The following FGF12 variants were observed in gnomAD, a reference collection of about 807,000 sequenced individuals.
FGF12 encodes fibroblast growth factor 12.
FGF12 carries 14 observed loss-of-function variants against 23.6 expected under a neutral mutation model. The ratio of observed to expected loss-of-function variants is 0.59; its 90% CI spans 0.39 to 0.93. FGF12 has a LOEUF of 0.93. Among genes scored for constraint, FGF12 ranks in the 40% least tolerant of loss-of-function variants. The pLI is 0.00. For missense variants in FGF12, 175 were observed against 217.8 expected (o/e 0.80, Z 1.24); for synonymous variants, 62 against 77.3 (o/e 0.80, Z 1.04).
chr3:192,643,281 A>T (rs1392573332), intron 2 of FGF12, among the ~76,000 whole-genome samples: 2 of 125,296 alleles, frequency 1.6e-5, no homozygotes, highest in African/African-American at 5.8e-5. Flanking sequence ...TGATCCTGAC[A>T]TGGAGAATTA....
At chr3:192,655,727 T>C (rs1716385827) in intron 2 of FGF12, among the ~76,000 whole-genome samples, 2 of 152,132 alleles carry the variant, frequency 1.3e-5, no homozygotes, top group African/African-American at 2.4e-5. Context: ...GAGTGTCCCA[T>C]GCTAATATGG....
chr3:192,232,597 C>T (rs907407049), intron 4 of FGF12, among the ~76,000 whole-genome samples: 1 of 151,624 alleles, frequency 6.6e-6, no homozygotes, highest in Non-Finnish European at 1.5e-5. Flanking sequence ...AGTTTTGTTA[C>T]TTTAGTACAT....
chr3:192,435,859 C>T (rs991771304), intron 2 of FGF12, among the ~76,000 whole-genome samples: 1 of 152,186 alleles, frequency 6.6e-6, no homozygotes, highest in Non-Finnish European at 1.5e-5. Context: ...CTTGTTATCA[C>T]ATTTTCAGAA....
chr3:192,569,505 A>G (rs1183952155), intron 2 of FGF12, among the ~76,000 whole-genome samples: 1 of 152,256 alleles, frequency 6.6e-6, no homozygotes, highest in Non-Finnish European at 1.5e-5. Context: ...ACATATAGCT[A>G]TTGTGCTTAC....
At chr3:192,185,884 T>C (rs1015093548) in intron 4 of FGF12, among the ~76,000 whole-genome samples, 1 of 151,006 alleles carries the variant, frequency 6.6e-6, no homozygotes, top group African/African-American at 2.4e-5. Context: ...TTACAGCGAA[T>C]AATTAATGGA....
At position 192,701,731 on chromosome 3, in the gene FGF12, T is replaced by C. The variant is rs189706227; in HGVS notation, c.13+25450A>G. On this transcript the variant is annotated intron_variant, in intron 2 of 5. Coordinates refer to ENST00000445105, the MANE Select transcript of FGF12 (RefSeq NM_004113.6). ...ATTTTATTTTATGAAAAAAGGCATA[T>C]TATATTCATTATCTGTAAAGTTAGA... is the stretch of plus-strand genomic sequence containing the variant. 5.8e-4 allele frequency among the ~76,000 whole-genome samples: 89 copies of C among 152,290 alleles called. 2 individuals are homozygous for C. Among genetic ancestry groups the C allele is most frequent in the Middle Eastern group, 6.8e-3 (2 of 294 alleles).
chr3:192,174,522 G>T (rs1273026225), intron 4 of FGF12, among the ~76,000 whole-genome samples: 1 of 152,206 alleles, frequency 6.6e-6, no homozygotes, highest in African/African-American at 2.4e-5. Context: ...GCAGGAGTTT[G>T]CTGCAGGCAC....
rs557654354 is a variant in FGF12, at chr3:192,193,815, T to C, written c.229-23159A>G. Among the ~76,000 whole-genome samples the C allele has an allele frequency of 1.2e-4, 18 of 152,266 alleles. 1 individual carries two copies. The highest frequency in any genetic ancestry group is 3.8e-4 in the African/African-American group (16 of 41,560). On this transcript the variant is annotated intron_variant, in intron 4 of 5. Coordinates refer to ENST00000445105, the MANE Select transcript of FGF12 (RefSeq NM_004113.6). The stretch of plus-strand genomic sequence containing the variant: ...TTCCAAATGCATTATAATTTGTATA[T>C]GTACCATCAGCGTGATTCTCAGGAA...
chr3:192,435,196 T>A (rs952839016), intron 2 of FGF12, among the ~76,000 whole-genome samples: 4 of 152,176 alleles, frequency 2.6e-5, no homozygotes, highest in African/African-American at 4.8e-5. Flanking sequence ...AGAAGAACAT[T>A]CCAGGCTGTG....
At chr3:192,268,695 TC>T in intron 4 of FGF12, 1 of 449,832 alleles carries the variant, frequency 2.2e-6, no homozygotes, top group Non-Finnish European at 4.5e-6. Context: ...TCCTGAGGCT[TC>T]CCTAGAAACC....
At chr3:192,612,239 G>T (rs1384370830) in intron 2 of FGF12, among the ~76,000 whole-genome samples, 4 of 151,836 alleles carry the variant, frequency 2.6e-5, no homozygotes, top group Non-Finnish European at 4.4e-5. Flanking sequence ...CTGGACTTTG[G>T]GTGCTCCTAT....
intron 4 of FGF12, among the ~76,000 whole-genome samples, chr3:192,247,930 G>C (rs1711735703): frequency 6.6e-6 from 1 of 152,142 alleles, no homozygotes; most frequent in African/African-American, 2.4e-5. Context: ...TAAAAAATTA[G>C]GACTTTTTAA....
chr3:192,532,624 TA>T (rs1165242237), intron 2 of FGF12, among the ~76,000 whole-genome samples: 1 of 152,152 alleles, frequency 6.6e-6, no homozygotes, highest in Non-Finnish European at 1.5e-5. Context: ...TGCTTGTTCT[TA>T]AAGGCAGAGT....
At chr3:192,706,847 T>C (rs1577132578) in intron 2 of FGF12, among the ~76,000 whole-genome samples, 1 of 152,344 alleles carries the variant, frequency 6.6e-6, no homozygotes, top group East Asian at 1.9e-4. Flanking sequence ...TTATTCACTA[T>C]AATCCCATTA....
intron 2 of FGF12, among the ~76,000 whole-genome samples, chr3:192,455,253 A>C (rs1431942943): frequency 2.6e-5 from 4 of 152,234 alleles, no homozygotes; most frequent in African/African-American, 9.6e-5. Flanking sequence ...GGGGACAAGA[A>C]GAGGATCAAA....
In FGF12 at chr3:192,399,422, G is replaced by A. The variant is rs114120273; in HGVS notation, c.14-38884C>T. On this transcript the variant is annotated intron_variant, in intron 2 of 5. Transcript: ENST00000445105. ...TTGATCTTGGGAATGCCAGCCTCTC[G>A]AACTGTGAAAAATACATTTCTGTTG... is the stretch of plus-strand genomic sequence containing the variant. Among the ~76,000 whole-genome samples the A allele has an allele frequency of 4.7e-3, 709 of 152,220 alleles. 3 individuals are homozygous for A. The highest frequency in any genetic ancestry group is 0.016 in the African/African-American group (668 of 41,522).
At chr3:192,294,356 C>A (rs1185583735) in intron 4 of FGF12, among the ~76,000 whole-genome samples, 1 of 152,006 alleles carries the variant, frequency 6.6e-6, no homozygotes, top group East Asian at 1.9e-4. Context: ...TTTTTGAGAG[C>A]CCTTATGACT....
chr3:192,302,763 G>C (rs879300336), intron 4 of FGF12, among the ~76,000 whole-genome samples: 118 of 152,318 alleles, frequency 7.7e-4, no homozygotes, highest in South Asian at 1.2e-3. Context: ...GGTACATGTG[G>C]AAAGTTTTGT....
chr3:192,609,250 C>T (rs1714459144), intron 2 of FGF12, among the ~76,000 whole-genome samples: 2 of 152,088 alleles, frequency 1.3e-5, no homozygotes, highest in Non-Finnish European at 2.9e-5. Flanking sequence ...AGACCTTGAC[C>T]ATACTTGATC....
Sources: allele counts gnomAD v4.1 joint callset (sites outside exome capture counted in the v4.1 genomes callset), GRCh38; gene constraint gnomAD v4.1.1; transcripts MANE v1.5; gene names NCBI Gene and HGNC (gene_info 2026-07-23, HGNC 2026-07-21).